PPP6R2: variants seen among roughly 807,000 people sequenced by gnomAD.
The protein encoded by PPP6R2 is protein phosphatase 6 regulatory subunit 2.
A neutral mutation model predicts 100.2 loss-of-function variants in PPP6R2; 62 were observed. The ratio of observed to expected loss-of-function variants is 0.62; its 90% confidence interval spans 0.50 to 0.76. The LOEUF (loss-of-function observed/expected upper bound fraction) is 0.76, where lower values mean the gene tolerates loss of function less well. Among genes scored for constraint, PPP6R2 ranks in the 30% least tolerant of loss-of-function variants. The probability of loss-of-function intolerance (pLI) is 0.00; values close to 1 mark genes in which losing one functional copy is unlikely to be tolerated. For synonymous variants in PPP6R2, 525 were observed against 514.7 expected (o/e 1.02, Z -0.27); for missense variants, 1,142 against 1,276.3 (o/e 0.89, Z 1.60).
At position 50,444,868 on chromosome 22, in the gene PPP6R2, G is replaced by A; in HGVS notation, c.*621G>A. On this transcript the variant is annotated 3_prime_UTR_variant, in exon 24 of 24. Transcript: ENST00000612753. The stretch of plus-strand genomic sequence containing the variant: ...CCTGGCAGGGATGTCCCTGTGCCCA[G>A]CACAGGGTGCCTGGCAGGGGGAGAC... 6.5e-6 allele frequency: 1 copy of A among 153,696 alleles called. No homozygotes were observed. The highest frequency in any genetic ancestry group is 1.5e-5 in the Non-Finnish European group (1 of 68,894). 9.5% of individuals were successfully genotyped at this position (153,696 alleles called of 1,614,324 possible). A position where few individuals can be genotyped will look rare whatever the true frequency, so the allele number is the denominator to read the frequency against.
chr22:50,437,153 T>A, intron 15 of PPP6R2, 85 bp downstream of exon 15: 1 of 1,291,562 alleles, frequency 7.7e-7, no homozygotes, highest in Admixed American at 2.0e-5. Flanking sequence ...ACGAGTCTGA[T>A]GGCATCTCAC....
At chr22:50,395,086 C>T (rs558665736) in intron 3 of PPP6R2, among the ~76,000 whole-genome samples, 41 of 152,186 alleles carry the variant, frequency 2.7e-4, no homozygotes, top group Non-Finnish European at 4.6e-4. Context: ...TAAGGCTGTA[C>T]TGTCAGCAGG....
intron 1 of PPP6R2, among the ~76,000 whole-genome samples, chr22:50,356,500 T>C (rs1315028363): frequency 1.3e-5 from 2 of 151,940 alleles, no homozygotes; most frequent in African/African-American, 2.4e-5. Flanking sequence ...AGAGACAAGA[T>C]TTTGCCACGT....
chr22:50,427,581 C>A (rs1257198167), intron 10 of PPP6R2, among the ~76,000 whole-genome samples: 1 of 152,142 alleles, frequency 6.6e-6, no homozygotes, highest in Non-Finnish European at 1.5e-5. Flanking sequence ...GAGACAGAAC[C>A]TCACCCTGTT....
chr22:50,358,722 C>G (rs968087932), intron 1 of PPP6R2, among the ~76,000 whole-genome samples: 1 of 152,048 alleles, frequency 6.6e-6, no homozygotes, highest in Non-Finnish European at 1.5e-5. Context: ...ATCCATCTTG[C>G]TTTAATTTTT....
At chr22:50,358,441 A>G (rs895417125) in intron 1 of PPP6R2, among the ~76,000 whole-genome samples, 2 of 152,178 alleles carry the variant, frequency 1.3e-5, no homozygotes, top group Non-Finnish European at 2.9e-5. Flanking sequence ...TAGAAGCTTT[A>G]CAGTGGTAGC....
upstream of PPP6R2, among the ~76,000 whole-genome samples, chr22:50,341,455 A>G (rs2032073028): frequency 6.7e-6 from 1 of 149,132 alleles, no homozygotes; most frequent in African/African-American, 2.5e-5. Flanking sequence ...CCTCCTGCCT[A>G]GGCCTCCTGA....
At position 50,438,677 on chromosome 22, in the gene PPP6R2, G is replaced by C; in HGVS notation, c.2043G>C (p.Leu681Phe). ...ERGGQDGKASLEAHRDAPGAG... is the reference protein window; with the variant it reads ...ERGGQDGKASFEAHRDAPGAG... The stretch of plus-strand genomic sequence containing the variant: ...GAGGCCAGGATGGGAAGGCGAGCTT[G>C]GAAGCACACAGAGATGCACCTGGGG... Residue 681 changes from leucine (L) to phenylalanine (F), a missense_variant, in exon 19 of 24, where the codon TTG becomes TTC. By Grantham distance (22) the Leu-to-Phe change is conservative (BLOSUM62 0). This residue lies in a region of PPP6R2 where 550 missense variants were observed against 517.4 expected (regional missense o/e 1.06). Transcript: ENST00000612753. 1 of 1,614,000 alleles carries C rather than the reference G, an allele frequency of 6.2e-7. No homozygotes were observed. The highest frequency in any genetic ancestry group is 8.5e-7 in the Non-Finnish European group (1 of 1,179,988).
chr22:50,352,329 T>C (rs1017018152), intron 1 of PPP6R2, among the ~76,000 whole-genome samples: 21 of 152,344 alleles, frequency 1.4e-4, no homozygotes, highest in Admixed American at 3.9e-4. Context: ...TTCCAGTTTT[T>C]CTTCTGCAGC....
At position 50,440,938 on chromosome 22, in the gene PPP6R2, G is replaced by A. The variant is rs760883617; in HGVS notation, c.2491G>A (p.Ala831Thr). 1.2e-6 allele frequency: 2 copies of A among 1,613,632 alleles called. No homozygotes were observed. The highest frequency in any genetic ancestry group is 4.5e-5 in the East Asian group (2 of 44,872). The change falls in exon 22 of 24, where the codon GCG (alanine) becomes ACG (threonine). Residue 831 changes from alanine (A) to threonine (T), a missense_variant. Physicochemically the swap from Ala to Thr is moderately conservative, Grantham distance 58. Around this residue, in one of 2 missense-constraint regions of PPP6R2, gnomAD observed 550 missense variants for 517.4 expected, o/e 1.06. Transcript: ENST00000612753. ...CAGCGAGGATGGCGACCAGAAGGCA[G>A]CGAGTGCCATGGATGCGGTGAGCAG... is the stretch of plus-strand genomic sequence containing the variant. ...SHSEDGDQKA[A>T]SAMDAVSRGP...
At chr22:50,418,726 C>G in intron 6 of PPP6R2, 141 bp from the exon 7 acceptor site, 1 of 646,094 alleles carries the variant, frequency 1.5e-6, no homozygotes, top group East Asian at 2.7e-5. Flanking sequence ...AGTATTTGAA[C>G]ATCACAGTGG....
In PPP6R2 at chr22:50,434,949, G is replaced by A. The variant is rs373223298; in HGVS notation, c.1401-17G>A. 2.5e-6 allele frequency: 4 copies of A among 1,596,796 alleles called. No homozygotes were observed. Among genetic ancestry groups the A allele is most frequent in the Non-Finnish European group, 3.4e-6 (4 of 1,174,366 alleles). On this transcript the variant is annotated splice_polypyrimidine_tract_variant and intron_variant, in intron 12 of 23. Transcript: ENST00000612753. ...TCGGGGCCAGGAGGCCGCCCCGATGGTGCCTGTTGCTTTCAGGGCAGCGGG... is the reference window on the plus strand; with the variant it reads ...TCGGGGCCAGGAGGCCGCCCCGATGATGCCTGTTGCTTTCAGGGCAGCGGG...
At chr22:50,353,964 G>C (rs906516538) in intron 1 of PPP6R2, among the ~76,000 whole-genome samples, 4 of 152,028 alleles carry the variant, frequency 2.6e-5, no homozygotes, top group African/African-American at 9.7e-5. Context: ...TATGTATCAG[G>C]CATTTGTGTG....
At chr22:50,356,183 C>G (rs1233336759) in intron 1 of PPP6R2, among the ~76,000 whole-genome samples, 2 of 151,874 alleles carry the variant, frequency 1.3e-5, no homozygotes, top group African/African-American at 4.8e-5. Flanking sequence ...CCAGGATGGT[C>G]TCGATCTCCT....
At chr22:50,355,001 G>A (rs1489101900) in intron 1 of PPP6R2, among the ~76,000 whole-genome samples, 12 of 150,918 alleles carry the variant, frequency 8.0e-5, no homozygotes, top group Admixed American at 2.0e-4. Flanking sequence ...CTGCCACCAT[G>A]CCTGGCTAAT....
intron 10 of PPP6R2, among the ~76,000 whole-genome samples, chr22:50,426,216 G>C (rs1415837772): frequency 1.3e-5 from 2 of 152,182 alleles, no homozygotes; most frequent in Non-Finnish European, 2.9e-5. Flanking sequence ...GCCTCCCAAA[G>C]TGCTGGAATT....
chr22:50,337,723 T>C, the PPP6R2 span, among the ~76,000 whole-genome samples: 12,499 of 144,782 alleles, frequency 0.086, 748 homozygotes, highest in East Asian at 0.2. Context: ...ATATGTGTAC[T>C]GTGTGGTATG....
At chr22:50,378,152 G>A (rs2052032724) in intron 2 of PPP6R2, among the ~76,000 whole-genome samples, 1 of 152,206 alleles carries the variant, frequency 6.6e-6, no homozygotes, top group Admixed American at 6.5e-5. Context: ...AACTTTATCT[G>A]AGCAGCAGTA....
At chr22:50,375,656 G>A (rs1392335231) in intron 2 of PPP6R2, among the ~76,000 whole-genome samples, 1 of 151,976 alleles carries the variant, frequency 6.6e-6, no homozygotes, top group Non-Finnish European at 1.5e-5. Flanking sequence ...CCTGAGAATT[G>A]TAGCTCTGTA....
Sources: gnomAD v4.1 joint callset for allele counts (sites outside exome capture counted in the v4.1 genomes callset) on GRCh38, gnomAD v4.1.1 for gene constraint, gnomAD v4.1.1 regional missense constraint, MANE v1.5 for transcripts, NCBI Gene and HGNC (gene_info 2026-07-23, HGNC 2026-07-21) for gene names.